The following SFSWAP variants were observed in gnomAD, a reference collection of about 807,000 sequenced individuals.
SFSWAP encodes splicing factor, suppressor of white-apricot homolog.
Under a neutral mutation model 100.7 loss-of-function variants are expected in SFSWAP, and 17 were observed. The ratio of observed to expected loss-of-function variants is 0.17; its 90% CI spans 0.12 to 0.25. The LOEUF is 0.25. Ranked by LOEUF, SFSWAP falls within the 10% of genes least tolerant of loss-of-function variation. SFSWAP has a pLI of 1.00. For missense variants in SFSWAP, 1,005 were observed against 1,262.6 expected, an observed-to-expected ratio of 0.80 and a Z score of 3.09; for synonymous variants, 504 against 510.1, an observed-to-expected ratio of 0.99 and a Z score of 0.16.
intron 14 of SFSWAP, among the ~76,000 whole-genome samples, chr12:131,786,203 AAAGTTTGTCCTTGGTGCGAT>A (rs1197620257): frequency 6.6e-6 from 1 of 152,166 alleles, no homozygotes; most frequent in African/African-American, 2.4e-5. Flanking sequence ...ATGTTGGTTA[AAAGTTTGTCCTTGGTGCGAT>A]AAGTGTGTGG....
rs751647002 is a variant in SFSWAP at position 131,714,949 on chromosome 12, G to A, written c.516G>A (p.Gln172=). 8 of 1,613,924 alleles carry A rather than the reference G, an allele frequency of 5.0e-6. No individual in the cohort carries two copies. The South Asian group carries it at 8.8e-5, about 18-fold the overall frequency. ...CGGAGGAGGAGGAGCCTTCCAAACAGAGAGGTGAGTGGGGAGCTGCCTGGA... is the reference window on the plus strand; with the variant it reads ...CGGAGGAGGAGGAGCCTTCCAAACAAAGAGGTGAGTGGGGAGCTGCCTGGA... ...EPTEEEEPSK[Q]REKNEAENLE... is the part of the protein sequence containing the mutation. Residue 172 remains glutamine, a synonymous_variant, in exon 3 of 18, where the codon CAG becomes CAA. Coordinates refer to ENST00000261674, the MANE Select transcript of SFSWAP (RefSeq NM_004592.4). The surrounding 1 kb of genome is among the most constrained non-coding windows in gnomAD (Gnocchi z 6.0).
chr12:131,711,816 G>T lies in SFSWAP; in HGVS notation c.218+369G>T, dbSNP rs1186692689. 1 of 239,366 alleles carries T rather than the reference G, an allele frequency of 4.2e-6. No individual in the cohort carries two copies. Among genetic ancestry groups the T allele is most frequent in the African/African-American group, 2.3e-5 (1 of 44,014 alleles). The allele number at this position is 239,366 out of a possible 1,614,324, so 14.8% of individuals were successfully genotyped here. A position where few individuals can be genotyped will look rare whatever the true frequency, so the allele number is the denominator to read the frequency against. On this transcript the variant is annotated intron_variant, in intron 1 of 17. Coordinates refer to ENST00000261674, the MANE Select transcript of SFSWAP (RefSeq NM_004592.4). This position sits in a 1 kb window ranked among gnomAD's most constrained non-coding sequence, Gnocchi z 4.9. ...GGCCTGCCGCCCGGCGATGCCATGG[G>T]GTCGTGCGCTGCTTTTCTACTTGCC...
chr12:131,753,211 T>A lies in SFSWAP; in HGVS notation c.1170T>A (p.Thr390=). The part of the protein sequence containing the change: ...LAPPPPGIDV[T]TYYSTLPAGV... ...CGCCCCCTCCCGGAATCGACGTGAC[T>A]ACTTACTACAGCACCCTTCCTGCTG... Residue 390 remains threonine (T), a synonymous_variant, in exon 8 of 18, where the codon ACT becomes ACA. Coordinates refer to ENST00000261674, the MANE Select transcript of SFSWAP (RefSeq NM_004592.4). 1 of 1,614,198 alleles carries A rather than the reference T, an allele frequency of 6.2e-7. No homozygotes were observed.
At chr12:131,791,989 A>T (rs1274619263) in intron 15 of SFSWAP, among the ~76,000 whole-genome samples, 2 of 143,034 alleles carry the variant, frequency 1.4e-5, no homozygotes, top group Admixed American at 1.4e-4. Flanking sequence ...CTGTGTGTGC[A>T]CCCGTGTGTG....
At chr12:131,741,934 T>C (rs1312068458) in intron 7 of SFSWAP, among the ~76,000 whole-genome samples, 3 of 152,084 alleles carry the variant, frequency 2.0e-5, no homozygotes, top group Non-Finnish European at 4.4e-5. Flanking sequence ...CGTCTGGTGC[T>C]CCTTCTTCCC....
chr12:131,750,565 C>T (rs1881532468), intron 7 of SFSWAP, among the ~76,000 whole-genome samples: 1 of 152,224 alleles, frequency 6.6e-6, no homozygotes, highest in Non-Finnish European at 1.5e-5. Flanking sequence ...GTGCCCAGAG[C>T]ATTGTCAGCC....
intron 8 of SFSWAP, 116 bp from the exon 9 acceptor site, chr12:131,754,251 CT>C (rs1357604571): frequency 1.5e-6 from 1 of 648,288 alleles, no homozygotes; most frequent in Non-Finnish European, 2.4e-6. Context: ...CCCTAACACA[CT>C]GTTTATAACT....
At chr12:131,769,887 C>T (rs1313129399) in intron 13 of SFSWAP, among the ~76,000 whole-genome samples, 1 of 152,190 alleles carries the variant, frequency 6.6e-6, no homozygotes, top group African/African-American at 2.4e-5. Context: ...CCTCTCACCT[C>T]TCCTGTTTGC....
Position 131,714,680 on chromosome 12 carries a change from A to C in SFSWAP, c.389-142A>C. ...TACATAATGATAGATATAAAGTGTG[A>C]ATTTTTAAAACTATTTTACCTCAAA... On this transcript the variant is annotated intron_variant, in intron 2 of 17. Coordinates refer to ENST00000261674, the MANE Select transcript of SFSWAP (RefSeq NM_004592.4). The surrounding 1 kb of genome is among the most constrained non-coding windows in gnomAD (Gnocchi z 6.0). 1.4e-6 allele frequency: 1 copy of C among 722,796 alleles called. No homozygotes were observed. 44.8% of individuals were successfully genotyped at this position (722,796 alleles called of 1,614,324 possible).
chr12:131,715,372 T>A (rs189262822), intron 3 of SFSWAP, among the ~76,000 whole-genome samples: 1 of 152,258 alleles, frequency 6.6e-6, no homozygotes. Context: ...ACATGCCCAG[T>A]GGAAGGACAC....
At chr12:131,765,468 G>A (rs1403356355) in intron 12 of SFSWAP, among the ~76,000 whole-genome samples, 1 of 152,088 alleles carries the variant, frequency 6.6e-6, no homozygotes, top group African/African-American at 2.4e-5. Context: ...GGCCAACATG[G>A]TGAGACCCCA....
chr12:131,759,620 A>G (rs1319469252), intron 11 of SFSWAP, among the ~76,000 whole-genome samples: 2 of 151,812 alleles, frequency 1.3e-5, no homozygotes, highest in African/African-American at 4.9e-5. Flanking sequence ...TAACACGGTG[A>G]AACCCCGTCT....
In SFSWAP at chr12:131,728,415, G is replaced by A. The variant is rs760410108; in HGVS notation, c.1068G>A (p.Glu356=). 1.9e-6 allele frequency: 3 copies of A among 1,614,074 alleles called. No homozygotes were observed. In the African/African-American group the frequency reaches 4.0e-5, roughly 22 times the overall value. The change falls in exon 7 of 18, where the codon GAG becomes GAA. Residue 356 remains glutamate, a synonymous_variant. Coordinates refer to ENST00000261674, the MANE Select transcript of SFSWAP (RefSeq NM_004592.4). ...CGCCTGTGCAGCCCTCCCAGGTGGA[G>A]TACACGGCAGACTGTGAGTACTCAC... is the stretch of plus-strand genomic sequence containing the variant. ...DGAPVQPSQV[E]YTADSTVAAM...
At chr12:131,713,997 T>C (rs1877650006) in intron 1 of SFSWAP, 74 bp from the exon 2 acceptor site, 1 of 1,025,780 alleles carries the variant, frequency 9.7e-7, no homozygotes, top group Non-Finnish European at 1.5e-6. Context: ...TATATATACA[T>C]ATATAAAACA....
rs866931640 is a variant in SFSWAP at position 131,725,074 on chromosome 12, A to G, written c.607-331A>G. Among the ~76,000 whole-genome samples, 8 of 152,218 alleles carry G rather than the reference A, an allele frequency of 5.3e-5. No homozygotes were observed. In the East Asian group the frequency reaches 5.8e-4, roughly 11 times the overall value. ...AAAAGTGCTTGTTTGTAAAATTCACATGCACAGAGGATTCACAAACCCCCT... is the reference window on the plus strand; with the variant it reads ...AAAAGTGCTTGTTTGTAAAATTCACGTGCACAGAGGATTCACAAACCCCCT... On this transcript the variant is annotated intron_variant, in intron 4 of 17. Coordinates refer to ENST00000261674, the MANE Select transcript of SFSWAP (RefSeq NM_004592.4). This position sits in a 1 kb window ranked among gnomAD's most constrained non-coding sequence, Gnocchi z 4.3.
At position 131,711,267 on chromosome 12, in the gene SFSWAP, G is replaced by T; in HGVS notation, c.38G>T (p.Arg13Met). 6.2e-7 allele frequency: 1 copy of T among 1,611,336 alleles called. No homozygotes were observed. ...AGCGGGGGCCGCGCCAAACCCGAGA[G>T]GAAAAGCGGCGCGAAGGAGGAGGCC... ...GASGGRAKPERKSGAKEEAGP... is the reference protein window; with the variant it reads ...GASGGRAKPEMKSGAKEEAGP... Residue 13 changes from arginine to methionine, a missense_variant, in exon 1 of 18, where the codon AGG becomes ATG. By Grantham distance (91) the Arg-to-Met change is moderately conservative. Transcript: ENST00000261674. The surrounding 1 kb of genome is among the most constrained non-coding windows in gnomAD (Gnocchi z 4.9).
In SFSWAP at chr12:131,711,149, C is replaced by A. The variant is rs1050292247; in HGVS notation, c.-81C>A. 5 of 1,181,676 alleles carry A rather than the reference C, an allele frequency of 4.2e-6. No homozygotes were observed. The African/African-American group carries it at 7.7e-5, about 18-fold the overall frequency. The allele number at this position is 1,181,676 out of a possible 1,614,324, so 73.2% of individuals were successfully genotyped here. ...TGGGTACGGGATGCGGGGTCTTTGA[C>A]TGAAGGGGTAGGCCAAGTGGAGGTA... On this transcript the variant is annotated 5_prime_UTR_variant, in exon 1 of 18. In the 5' UTR this introduces an upstream ATG that the reference lacks. Coordinates refer to ENST00000261674, the MANE Select transcript of SFSWAP (RefSeq NM_004592.4). The surrounding 1 kb of genome is among the most constrained non-coding windows in gnomAD (Gnocchi z 4.9).
At chr12:131,719,004 G>C (rs1029854579) in intron 3 of SFSWAP, among the ~76,000 whole-genome samples, 1 of 152,164 alleles carries the variant, frequency 6.6e-6, no homozygotes, top group Non-Finnish European at 1.5e-5. Context: ...TTTGAATTGC[G>C]TAGGTCCGCT....
At chr12:131,723,168 A>G (rs543307806) in intron 4 of SFSWAP, 1 of 152,248 alleles carries the variant, frequency 6.6e-6, no homozygotes, top group African/African-American at 2.4e-5. Flanking sequence ...TAGGTACTGT[A>G]TTGTCACAGA....
Sources: gnomAD v4.1 joint callset for allele counts (sites outside exome capture counted in the v4.1 genomes callset) on GRCh38, gnomAD v4.1.1 for gene constraint, Gnocchi (gnomAD v3.1) non-coding constraint, MANE v1.5 for transcripts, NCBI Gene and HGNC (gene_info 2026-07-23, HGNC 2026-07-21) for gene names.